The following NR4A1 variants were observed in gnomAD, a reference collection of about 807,000 sequenced individuals.
NR4A1 encodes nuclear receptor subfamily 4 group A member 1.
In NR4A1, 24 loss-of-function variants were observed where a neutral mutation model predicts 47.5. That is an observed-to-expected ratio of 0.50 (90% confidence interval 0.37 to 0.71). The LOEUF (loss-of-function observed/expected upper bound fraction) is 0.71. Among genes scored for constraint, NR4A1 ranks in the 30% least tolerant of loss-of-function variants. The probability of loss-of-function intolerance (pLI) is 0.00; values close to 1 mark genes in which losing one functional copy is unlikely to be tolerated. For synonymous variants in NR4A1, 353 were observed against 345.7 expected, an observed-to-expected ratio of 1.02 and a Z score of -0.24; for missense variants, 669 against 788.6, an observed-to-expected ratio of 0.85 and a Z score of 1.82.
chr12:52,032,894 A>G (rs1734599544), intron 1 of NR4A1, among the ~76,000 whole-genome samples: 1 of 152,100 alleles, frequency 6.6e-6, no homozygotes, highest in Non-Finnish European at 1.5e-5. Flanking sequence ...GCGAGCCCCC[A>G]AACCAGCACT....
rs780478847 is a variant in NR4A1, at chr12:52,057,088, A to G, written c.1190A>G (p.Lys397Arg). The change falls in exon 5 of 7, where the codon AAG becomes AGG. Residue 397 changes from lysine to arginine, a missense_variant. By Grantham distance (26) the Lys-to-Arg change is conservative (BLOSUM62 2). Coordinates refer to ENST00000394825, the MANE Select transcript of NR4A1 (RefSeq NM_173157.3). The part of the protein sequence containing the change: ...FQELVLPHFG[K>R]EDAGDVQQFY... ...GAGCTGGTGCTGCCCCACTTTGGGA[A>G]GGAAGATGCTGGGGATGTACAGCAG... 16 of 1,610,224 alleles carry G rather than the reference A, an allele frequency of 9.9e-6. No individual in the cohort carries two copies. Among genetic ancestry groups the G allele is most frequent in the Middle Eastern group, 3.3e-4 (2 of 6,082 alleles).
intron 1 of NR4A1, among the ~76,000 whole-genome samples, chr12:52,028,440 G>GGTGGGC: frequency 6.6e-6 from 1 of 152,090 alleles, no homozygotes; most frequent in Non-Finnish European, 1.5e-5. Context: ...TGGGCGTGGT[G>GGTGGGC]GCTCATGCCT....
chr12:52,055,285 C>G lies in NR4A1; in HGVS notation c.876+81C>G, dbSNP rs757625751. 4 of 1,550,386 alleles carry G rather than the reference C, an allele frequency of 2.6e-6. No individual in the cohort carries two copies. The Admixed American group carries it at 5.5e-5, about 21-fold the overall frequency. On this transcript the variant is annotated intron_variant, in intron 2 of 6. Transcript: ENST00000394825. Reference sequence around the variant, plus strand: ...ATCCCATTGGGACCTGTGGTCTCCCCCTGGGTTCTCCTCCTAGCTAAGTCC... The same window carrying G: ...ATCCCATTGGGACCTGTGGTCTCCCGCTGGGTTCTCCTCCTAGCTAAGTCC...
Position 52,056,559 on chromosome 12 carries a change from G to T in NR4A1, c.1072G>T (p.Asp358Tyr). The T allele has an allele frequency of 6.2e-7, 1 of 1,613,760 alleles. No homozygotes were observed. Among genetic ancestry groups the T allele is most frequent in the Non-Finnish European group, 8.5e-7 (1 of 1,179,870 alleles). ...RLPSKPKQPPDASPANLLTSL... is the reference protein window; with the variant it reads ...RLPSKPKQPPYASPANLLTSL... ...ACCTTCAAAACCCAAGCAGCCCCCA[G>T]ATGCCTCCCCTGCCAATCTCCTCAC... The change falls in exon 4 of 7, where the codon GAT (aspartate) becomes TAT (tyrosine). Residue 358 changes from aspartate (D) to tyrosine (Y), a missense_variant. Transcript: ENST00000394825.
intron 1 of NR4A1, among the ~76,000 whole-genome samples, chr12:52,028,175 C>A (rs1423969278): frequency 8.5e-6 from 1 of 117,932 alleles, no homozygotes; most frequent in Admixed American, 1.1e-4. Context: ...ACACTCCAGT[C>A]TGGGTGACAA....
upstream of NR4A1, among the ~76,000 whole-genome samples, chr12:52,048,402 G>A (rs999386980): frequency 3.3e-5 from 5 of 151,828 alleles, no homozygotes; most frequent in Admixed American, 6.6e-5. Flanking sequence ...AGACCATCCT[G>A]GCTAACACAG....
chr12:52,029,013 G>C (rs999934240), intron 1 of NR4A1, among the ~76,000 whole-genome samples: 1 of 152,176 alleles, frequency 6.6e-6, no homozygotes, highest in African/African-American at 2.4e-5. Context: ...TCCTTTAGTG[G>C]AATAGGCATA....
At chr12:52,023,659 C>T (rs2120890964) in intron 1 of NR4A1, among the ~76,000 whole-genome samples, 1 of 152,224 alleles carries the variant, frequency 6.6e-6, no homozygotes, top group Non-Finnish European at 1.5e-5. Flanking sequence ...CGGTGACCTC[C>T]CCTGCGGCTC....
At position 52,057,254 on chromosome 12, in the gene NR4A1, G is replaced by A. The variant is rs147110206; in HGVS notation, c.1356G>A (p.Ala452=). The part of the protein sequence containing the change: ...AFLELFILRL[A]YRSKPGEGKL... The stretch of plus-strand genomic sequence containing the variant: ...TGGAGCTCTTCATCCTCCGCCTGGC[G>A]TACAGGTGAGAGCCACTGACTGTCT... Residue 452 remains alanine (A), a synonymous_variant, in exon 5 of 7, where the codon GCG becomes GCA. Coordinates refer to ENST00000394825, the MANE Select transcript of NR4A1 (RefSeq NM_173157.3). The A allele has an allele frequency of 3.0e-4, 491 of 1,613,362 alleles. 4 individuals carry two copies. The highest frequency in any genetic ancestry group is 3.3e-4 in the Middle Eastern group (2 of 6,084).
intron 1 of NR4A1, among the ~76,000 whole-genome samples, chr12:52,031,190 A>G (rs951748980): frequency 2.0e-5 from 3 of 151,764 alleles, no homozygotes; most frequent in African/African-American, 7.3e-5. Context: ...TTTTTTAATT[A>G]TTATTATTAC....
upstream of NR4A1, among the ~76,000 whole-genome samples, chr12:52,047,416 T>C (rs1211651273): frequency 6.6e-6 from 1 of 152,214 alleles, no homozygotes; most frequent in Non-Finnish European, 1.5e-5. Context: ...CTCTCTCGCC[T>C]TTATCTTAGG....
intron 2 of NR4A1, 56 bp downstream of exon 2, chr12:52,055,260 AT>A: frequency 6.3e-7 from 1 of 1,595,960 alleles, no homozygotes; most frequent in Non-Finnish European, 8.5e-7. Context: ...GGCTGGCCTC[AT>A]CCCATTGGGA....
At chr12:52,058,406 C>T in intron 6 of NR4A1, 1 of 473,476 alleles carries the variant, frequency 2.1e-6, no homozygotes. Flanking sequence ...AATGATCTAG[C>T]CAGAAAACGT....
In NR4A1 at chr12:52,059,049, A is replaced by G. The variant is rs1939426952; in HGVS notation, c.*105A>G. The stretch of plus-strand genomic sequence containing the variant: ...ACCCCCAAGCCTGGGCTTGAGCTGC[A>G]GAATGACTCCACCTTCTCACCTGCT... On this transcript the variant is annotated 3_prime_UTR_variant, in exon 7 of 7. Transcript: ENST00000394825. 1 of 1,377,464 alleles carries G rather than the reference A, an allele frequency of 7.3e-7. No individual in the cohort carries two copies. The highest frequency in any genetic ancestry group is 9.7e-7 in the Non-Finnish European group (1 of 1,025,956). The allele number at this position is 1,377,464 out of a possible 1,614,324, so 85.3% of individuals were successfully genotyped here. A position where few individuals can be genotyped will look rare whatever the true frequency, so the allele number is the denominator to read the frequency against.
At chr12:52,042,106 T>C (rs900640653) in intron 2 of NR4A1, among the ~76,000 whole-genome samples, 19 of 151,542 alleles carry the variant, frequency 1.3e-4, no homozygotes, top group African/African-American at 4.1e-4. Context: ...GAGGTTGGGG[T>C]AGTGTGAGTG....
At chr12:52,045,938 C>T (rs1409383284) in intron 2 of NR4A1, among the ~76,000 whole-genome samples, 3 of 152,222 alleles carry the variant, frequency 2.0e-5, no homozygotes, top group Admixed American at 6.5e-5. Context: ...CCCCTGCCTA[C>T]TGCCAAAGCA....
At position 52,057,382 on chromosome 12, in the gene NR4A1, C is replaced by G; in HGVS notation, c.1392C>G (p.Phe464Leu). ...RSKPGEGKLI[F>L]CSGLVLHRLQ... ...AGCCAGGCGAGGGCAAGCTCATCTT[C>G]TGCTCAGGCCTGGTGCTACACCGGC... The change falls in exon 6 of 7, where the codon TTC (phenylalanine) becomes TTG (leucine). Residue 464 changes from phenylalanine (F) to leucine (L), a missense_variant. Coordinates refer to ENST00000394825, the MANE Select transcript of NR4A1 (RefSeq NM_173157.3). The G allele has an allele frequency of 6.2e-7, 1 of 1,614,264 alleles. No individual in the cohort carries two copies. Among genetic ancestry groups the G allele is most frequent in the Non-Finnish European group, 8.5e-7 (1 of 1,180,052 alleles).
chr12:52,056,462 T>TG (rs1939277395), intron 3 of NR4A1, 32 bp from the exon 4 acceptor site: 2 of 1,605,498 alleles, frequency 1.2e-6, no homozygotes, highest in African/African-American at 2.7e-5. Flanking sequence ...CTCAGATCCC[T>TG]TCCTTCCTCA....
upstream of NR4A1, among the ~76,000 whole-genome samples, chr12:52,048,744 A>G (rs1003083957): frequency 3.0e-4 from 46 of 152,220 alleles, no homozygotes; most frequent in African/African-American, 1.1e-3. Flanking sequence ...GCTCCTGAGC[A>G]AAGTGTAGCT....
Sources: gnomAD v4.1 joint callset for allele counts (sites outside exome capture counted in the v4.1 genomes callset) on GRCh38, gnomAD v4.1.1 for gene constraint, MANE v1.5 for transcripts, NCBI Gene and HGNC (gene_info 2026-07-23, HGNC 2026-07-21) for gene names.